The following PLA2G4E variants were observed in gnomAD, a reference collection of about 807,000 sequenced individuals.
PLA2G4E encodes the protein cytosolic phospholipase A2 epsilon.
PLA2G4E carries 84 observed loss-of-function variants against 109.1 expected under a neutral mutation model. The observed-to-expected ratio is 0.77, with a 90% CI of 0.65 to 0.92. The LOEUF is 0.92. Ranked by LOEUF, PLA2G4E falls within the 40% of genes least tolerant of loss-of-function variation. PLA2G4E has a pLI of 0.00. For missense variants in PLA2G4E, 1,057 were observed against 1,076.6 expected (o/e 0.98, Z 0.25); for synonymous variants, 469 against 436.1 (o/e 1.08, Z -0.94).
chr15:42,001,095 G>A (rs1291787829), intron 7 of PLA2G4E, 62 bp downstream of exon 7: 1 of 1,508,796 alleles, frequency 6.6e-7, no homozygotes, highest in Non-Finnish European at 9.2e-7. Flanking sequence ...GTCTGATGCT[G>A]ATGGGATTTG....
chr15:41,988,276 G>T, intron 15 of PLA2G4E, 120 bp from the exon 16 acceptor site: 1 of 684,094 alleles, frequency 1.5e-6, no homozygotes, highest in South Asian at 1.8e-5. Flanking sequence ...CCACAGGCGG[G>T]ACAGACTTCA....
intron 2 of PLA2G4E, among the ~76,000 whole-genome samples, chr15:42,010,542 G>T (rs1393700080): frequency 6.6e-6 from 1 of 152,138 alleles, no homozygotes; most frequent in East Asian, 1.9e-4. Flanking sequence ...TGGACTATGG[G>T]GATTTCCTAG....
intron 1 of PLA2G4E, among the ~76,000 whole-genome samples, chr15:42,024,877 A>G (rs1301865443): frequency 6.6e-6 from 1 of 152,162 alleles, no homozygotes; most frequent in Non-Finnish European, 1.5e-5. Context: ...ACAATAAAGG[A>G]AGTATGTGAA....
intron 1 of PLA2G4E, among the ~76,000 whole-genome samples, chr15:42,027,863 T>TCCTGGGCCACCCTCCATAATGCATGGGG (rs142075537): frequency 6.6e-6 from 1 of 151,714 alleles, no homozygotes; most frequent in Non-Finnish European, 1.5e-5. Flanking sequence ...GTGGCAGCCC[T>TCCTGGGCCACCCTCCATAATGCATGGGG]CCTGGGCCAC....
chr15:41,992,904 C>T (rs1200955034), exon 13 of PLA2G4E: 4 of 1,613,946 alleles, frequency 2.5e-6, no homozygotes, highest in Non-Finnish European at 3.4e-6. Context: ...TCAAAGATAG[C>T]AGGCTCCAAG....
chr15:41,999,839 C>G lies in PLA2G4E; in HGVS notation c.936+78G>C, dbSNP rs1393026947. Reference sequence around the variant, plus strand: ...GAGTCACATTCTCTCTTGTACCTCCCCAGGCTCTCCCCACCTCCCTACCAC... The same window carrying G: ...GAGTCACATTCTCTCTTGTACCTCCGCAGGCTCTCCCCACCTCCCTACCAC... On this transcript the variant is annotated intron_variant, in intron 9 of 19. Coordinates refer to ENST00000399518, the Ensembl canonical transcript of PLA2G4E. The G allele has an allele frequency of 3.5e-6, 5 of 1,439,038 alleles. No individual in the cohort carries two copies. In the East Asian group the frequency reaches 1.2e-4, roughly 35 times the overall value. 89.1% of individuals were successfully genotyped at this position (1,439,038 alleles called of 1,614,324 possible). A position where few individuals can be genotyped will look rare whatever the true frequency, so the allele number is the denominator to read the frequency against.
intron 1 of PLA2G4E, among the ~76,000 whole-genome samples, chr15:42,022,493 C>T (rs748848851): frequency 6.6e-6 from 1 of 151,606 alleles, no homozygotes; most frequent in Non-Finnish European, 1.5e-5. Flanking sequence ...CAGTGGGAAC[C>T]CTGAGCTTGT....
At chr15:42,018,030 T>C (rs1224166875) in intron 1 of PLA2G4E, among the ~76,000 whole-genome samples, 1 of 152,154 alleles carries the variant, frequency 6.6e-6, no homozygotes, top group Non-Finnish European at 1.5e-5. Flanking sequence ...TTGAGAGACA[T>C]CCCAGCCGGA....
chr15:41,999,193 C>A, intron 10 of PLA2G4E: 1 of 214,124 alleles, frequency 4.7e-6, no homozygotes, highest in Non-Finnish European at 9.3e-6. Context: ...GTCCTTTGTG[C>A]TTCAAAGGAC....
intron 1 of PLA2G4E, among the ~76,000 whole-genome samples, chr15:42,035,251 G>T (rs929839070): frequency 1.3e-5 from 2 of 152,102 alleles, no homozygotes; most frequent in African/African-American, 4.8e-5. Context: ...ATTTGTCCTT[G>T]ACTGGAAGTC....
At chr15:41,991,834 G>T (rs377726039) in intron 13 of PLA2G4E, among the ~76,000 whole-genome samples, 1 of 152,180 alleles carries the variant, frequency 6.6e-6, no homozygotes, top group Non-Finnish European at 1.5e-5. Flanking sequence ...CCTGGACAGA[G>T]GTGGGAAGCT....
intron 1 of PLA2G4E, among the ~76,000 whole-genome samples, chr15:42,037,850 C>T (rs532453078): frequency 3.9e-5 from 6 of 152,344 alleles, no homozygotes; most frequent in African/African-American, 7.2e-5. Flanking sequence ...CACCTCACTG[C>T]GGCAGCTGGC....
intron 9 of PLA2G4E, 129 bp from the exon 10 acceptor site, chr15:41,999,690 C>T (rs1357804055): frequency 4.9e-6 from 6 of 1,225,254 alleles, no homozygotes; most frequent in Middle Eastern, 2.2e-4. Context: ...CCCTGCCTCT[C>T]TCTTCTGGAC....
intron 1 of PLA2G4E, among the ~76,000 whole-genome samples, chr15:42,045,866 C>T (rs1349824730): frequency 3.3e-5 from 5 of 152,150 alleles, no homozygotes; most frequent in East Asian, 3.8e-4. Context: ...GTATTTTCAA[C>T]GGCCCACCTG....
intron 16 of PLA2G4E, 21 bp downstream of exon 16, chr15:41,988,028 G>A: frequency 6.4e-7 from 1 of 1,555,088 alleles, no homozygotes; most frequent in South Asian, 1.2e-5. Context: ...CCAGCCATGA[G>A]GGAAAGCCGG....
At chr15:41,991,282 C>A (rs2068243857) in intron 13 of PLA2G4E, among the ~76,000 whole-genome samples, 3 of 152,230 alleles carry the variant, frequency 2.0e-5, no homozygotes, top group African/African-American at 7.2e-5. Context: ...AATGCTGAGA[C>A]TCCTGATGTC....
intron 1 of PLA2G4E, among the ~76,000 whole-genome samples, chr15:42,033,889 C>A (rs891624659): frequency 2.0e-5 from 3 of 152,158 alleles, no homozygotes; most frequent in Non-Finnish European, 4.4e-5. Context: ...TGCCAAGGTG[C>A]AAATGACACT....
intron 1 of PLA2G4E, among the ~76,000 whole-genome samples, chr15:42,043,724 C>A (rs1235927028): frequency 6.6e-6 from 1 of 152,110 alleles, no homozygotes; most frequent in African/African-American, 2.4e-5. Context: ...TTGGCTCTGG[C>A]ACTTACTGGG....
At chr15:41,983,271 C>G (rs190543855) in exon 20 of PLA2G4E, 47 of 159,118 alleles carry the variant, frequency 3.0e-4, no homozygotes, top group African/African-American at 1.1e-3. Flanking sequence ...CTAAAAAAAC[C>G]CAAAAATCAC....
Sources: gnomAD v4.1 joint callset for allele counts (sites outside exome capture counted in the v4.1 genomes callset) on GRCh38, gnomAD v4.1.1 for gene constraint, MANE v1.5 for transcripts, NCBI Gene and HGNC (gene_info 2026-07-23, HGNC 2026-07-21) for gene names.